Variants in JMJD1C observed in about 807,000 individuals in gnomAD.
JMJD1C encodes jumonji domain containing 1C.
In JMJD1C, 31 loss-of-function variants were observed where a neutral mutation model predicts 245.3. The ratio of observed to expected loss-of-function variants is 0.13; its 90% confidence interval spans 0.09 to 0.17. The LOEUF is 0.17. Ranked by LOEUF, JMJD1C falls within the 10% of genes least tolerant of loss-of-function variation. The probability of loss-of-function intolerance (pLI) is 1.00; values close to 1 mark genes in which losing one functional copy is unlikely to be tolerated. For missense variants in JMJD1C, 2,691 were observed against 3,000.2 expected (o/e 0.90, Z 2.41); for synonymous variants, 1,057 against 1,017.4 (o/e 1.04, Z -0.74).
At chr10:63,385,829 T>C (rs867347019) in intron 1 of JMJD1C, among the ~76,000 whole-genome samples, 6 of 152,220 alleles carry the variant, frequency 3.9e-5, no homozygotes, top group Admixed American at 6.5e-5. Context: ...TATTTACTTA[T>C]ATATAGGTTT....
In JMJD1C at chr10:63,208,056, T is replaced by C. The variant is rs991917270; in HGVS notation, c.3613A>G (p.Arg1205Gly). 1.2e-6 allele frequency: 2 copies of C among 1,614,158 alleles called. No individual in the cohort carries two copies. Among genetic ancestry groups the C allele is most frequent in the Non-Finnish European group, 1.7e-6 (2 of 1,180,006 alleles). ...NTLRSMPALH[R>G]APVFHPPIHH... is the part of the protein sequence containing the mutation. ...ATTGGTGGGTGAAATACTGGTGCTCTATGTAATGCAGGCATACTGCGGAGT... is the reference window on the plus strand; with the variant it reads ...ATTGGTGGGTGAAATACTGGTGCTCCATGTAATGCAGGCATACTGCGGAGT... The change falls in exon 10 of 26, where the codon AGA becomes GGA. Residue 1205 changes from arginine to glycine, a missense_variant. Arg to Gly is a moderately radical substitution (Grantham distance 125). This residue lies in a region of JMJD1C where 1,562 missense variants were observed against 1,490.7 expected (regional missense o/e 1.05). Transcript: ENST00000399262.
At chr10:63,242,481 G>A (rs2133520074) in intron 3 of JMJD1C, among the ~76,000 whole-genome samples, 1 of 152,278 alleles carries the variant, frequency 6.6e-6, no homozygotes, top group African/African-American at 2.4e-5. Flanking sequence ...CAGCACTTTG[G>A]GAGGCCAAGG....
At chr10:63,495,167 G>A (rs1954316508) in intron 1 of JMJD1C, among the ~76,000 whole-genome samples, 1 of 151,604 alleles carries the variant, frequency 6.6e-6, no homozygotes, top group African/African-American at 2.4e-5. Flanking sequence ...CAAAGAATGT[G>A]GTCTCTACAT....
intron 2 of JMJD1C, among the ~76,000 whole-genome samples, chr10:63,367,875 T>A (rs1451864541): frequency 6.6e-6 from 1 of 152,230 alleles, no homozygotes; most frequent in African/African-American, 2.4e-5. Context: ...AATGTCTGAA[T>A]GTACTTTATG....
intron 2 of JMJD1C, among the ~76,000 whole-genome samples, chr10:63,352,499 G>T: frequency 6.6e-6 from 1 of 152,002 alleles, no homozygotes; most frequent in South Asian, 2.1e-4. Flanking sequence ...TTAGCTGGGC[G>T]TGATGACATG....
At chr10:63,322,802 C>CAAAAAA (rs58263377) in intron 2 of JMJD1C, among the ~76,000 whole-genome samples, 1 of 73,782 alleles carries the variant, frequency 1.4e-5, no homozygotes, top group African/African-American at 5.5e-5. Flanking sequence ...GATTCCATCT[C>CAAAAAA]AAAAAAAAAA....
intron 1 of JMJD1C, chr10:63,427,432 G>A (rs1389838403): frequency 3.5e-6 from 4 of 1,138,908 alleles, no homozygotes; most frequent in Non-Finnish European, 5.1e-6. Flanking sequence ...GGAGGTGACT[G>A]CTGACCAGAA....
chr10:63,217,281 CAG>C lies in JMJD1C; in HGVS notation c.602_603del (p.Ser201CysfsTer13), dbSNP rs1848108358. 3 of 1,610,530 alleles carry C rather than the reference CAG, an allele frequency of 1.9e-6. No individual in the cohort carries two copies. The highest frequency in any genetic ancestry group is 2.5e-6 in the Non-Finnish European group (3 of 1,177,298). On this transcript the variant is annotated frameshift_variant, in exon 5 of 26. Transcript: ENST00000399262. LOFTEE classifies it high-confidence loss of function. ...ATTATGCCAGTAAACCACTGGGTGG[CAG>C]AGTCTTGTCTATATACTCTCACTCT... ...GYRVRVYRQDSATQWFTGIIT... is the reference protein window; with the variant it reads ...GYRVRVYRQDXATQWFTGIIT...
intron 2 of JMJD1C, among the ~76,000 whole-genome samples, chr10:63,362,122 C>CCCTA (rs1945415746): frequency 6.6e-6 from 1 of 151,746 alleles, no homozygotes; most frequent in African/African-American, 2.4e-5. Flanking sequence ...GTAATCCCAG[C>CCCTA]TACTAGGGGT....
intron 8 of JMJD1C, among the ~76,000 whole-genome samples, chr10:63,212,688 T>C (rs533754172): frequency 6.6e-6 from 1 of 152,242 alleles, no homozygotes; most frequent in African/African-American, 2.4e-5. Flanking sequence ...ATACCATTAA[T>C]ATACAAACAT....
At chr10:63,324,510 T>C (rs933748607) in intron 2 of JMJD1C, among the ~76,000 whole-genome samples, 1 of 152,136 alleles carries the variant, frequency 6.6e-6, no homozygotes, top group Non-Finnish European at 1.5e-5. Flanking sequence ...TATTATTCTA[T>C]ATTGACTACA....
intron 2 of JMJD1C, among the ~76,000 whole-genome samples, chr10:63,366,040 G>A (rs1416266885): frequency 6.6e-6 from 1 of 152,116 alleles, no homozygotes; most frequent in East Asian, 1.9e-4. Context: ...GCTACCAAAG[G>A]AACATATCAT....
intron 1 of JMJD1C, among the ~76,000 whole-genome samples, chr10:63,392,215 A>C (rs1259493454): frequency 1.3e-5 from 2 of 152,130 alleles, no homozygotes; most frequent in Non-Finnish European, 2.9e-5. Flanking sequence ...TACAAAATTC[A>C]ACTCAGGATG....
At chr10:63,339,509 G>A (rs1019071889) in intron 2 of JMJD1C, among the ~76,000 whole-genome samples, 1 of 152,198 alleles carries the variant, frequency 6.6e-6, no homozygotes, top group African/African-American at 2.4e-5. Flanking sequence ...GAGGCCAGGT[G>A]TGCTGGCTCA....
rs770063370 is a variant in JMJD1C at position 63,183,541 on chromosome 10, T to C, written c.6990A>G (p.Ile2330Met). The C allele has an allele frequency of 1.2e-6, 2 of 1,600,426 alleles. No individual in the cohort carries two copies. Among genetic ancestry groups the C allele is most frequent in the Non-Finnish European group, 1.7e-6 (2 of 1,171,874 alleles). Residue 2330 changes from isoleucine (I) to methionine (M), a missense_variant, in exon 22 of 26, where the codon ATA becomes ATG. This residue lies in a region of JMJD1C where 232 missense variants were observed against 416.1 expected (regional missense o/e 0.56). Transcript: ENST00000399262. ...CTTCAATATGGAGATTTGTTGTTCCTATATCATGATCTTTAGCAGCAACTA... is the reference window on the plus strand; with the variant it reads ...CTTCAATATGGAGATTTGTTGTTCCCATATCATGATCTTTAGCAGCAACTA... ...YGVVAAKDHD[I>M]GTTNLHIEVS...
At chr10:63,390,249 C>T (rs1348734192) in intron 1 of JMJD1C, among the ~76,000 whole-genome samples, 1 of 152,008 alleles carries the variant, frequency 6.6e-6, no homozygotes, top group African/African-American at 2.4e-5. Context: ...CCATTATGAA[C>T]AACTATACAA....
intron 2 of JMJD1C, among the ~76,000 whole-genome samples, chr10:63,362,243 A>G (rs1009260592): frequency 6.6e-6 from 1 of 151,746 alleles, no homozygotes; most frequent in African/African-American, 2.4e-5. Context: ...TCTAAAAAAA[A>G]AAAAAAAAAT....
At chr10:63,219,827 A>AT in intron 4 of JMJD1C, 51 bp downstream of exon 4, 1 of 1,271,074 alleles carries the variant, frequency 7.9e-7, no homozygotes, top group Non-Finnish European at 1.1e-6. Context: ...AACAAATATG[A>AT]TAAGTTGCCT....
chr10:63,380,908 C>T (rs1376951789), intron 1 of JMJD1C, among the ~76,000 whole-genome samples: 1 of 152,068 alleles, frequency 6.6e-6, no homozygotes, highest in African/African-American at 2.4e-5. Context: ...TCTGGTAATC[C>T]CACTGCTGGG....
Sources: gnomAD v4.1 joint callset for allele counts (sites outside exome capture counted in the v4.1 genomes callset) on GRCh38, gnomAD v4.1.1 for gene constraint, gnomAD v4.1.1 regional missense constraint, MANE v1.5 for transcripts, NCBI Gene and HGNC (gene_info 2026-07-23, HGNC 2026-07-21) for gene names.